Variants in CLSTN2 observed in about 807,000 individuals in gnomAD.
CLSTN2 encodes the protein calsyntenin 2.
Under a neutral mutation model 101.2 loss-of-function variants are expected in CLSTN2, and 48 were observed. That is an observed-to-expected ratio of 0.47 (90% CI 0.38 to 0.60). The LOEUF (loss-of-function observed/expected upper bound fraction) is 0.60, where lower values mean the gene tolerates loss of function less well. CLSTN2 is among the 20% of genes least tolerant of loss of function. The probability of loss-of-function intolerance (pLI) is 0.00; values close to 1 mark genes in which losing one functional copy is unlikely to be tolerated. For synonymous variants in CLSTN2, 481 were observed against 463.6 expected (o/e 1.04, Z -0.48); for missense variants, 1,160 against 1,238.2 (o/e 0.94, Z 0.95).
intron 1 of CLSTN2, among the ~76,000 whole-genome samples, chr3:140,153,038 G>A (rs564125306): frequency 6.6e-6 from 1 of 152,218 alleles, no homozygotes; most frequent in Non-Finnish European, 1.5e-5. Flanking sequence ...TGGTGTCACA[G>A]GTTGGTGTGC....
At chr3:140,204,462 A>T (rs2010755376) in intron 2 of CLSTN2, among the ~76,000 whole-genome samples, 1 of 152,248 alleles carries the variant, frequency 6.6e-6, no homozygotes, top group African/African-American at 2.4e-5. Context: ...GAATACATGT[A>T]AAGTACCTAG....
chr3:139,948,338 G>A (rs1284952921), intron 1 of CLSTN2, among the ~76,000 whole-genome samples: 1 of 152,046 alleles, frequency 6.6e-6, no homozygotes, highest in Admixed American at 6.6e-5. Context: ...GGTGGTGGGT[G>A]CCTGTAATCC....
At chr3:140,116,042 G>C (rs1441943676) in intron 1 of CLSTN2, among the ~76,000 whole-genome samples, 3 of 152,160 alleles carry the variant, frequency 2.0e-5, no homozygotes, top group Non-Finnish European at 4.4e-5. Context: ...ATTGGTGCCT[G>C]ATGTCAGGGG....
intron 2 of CLSTN2, among the ~76,000 whole-genome samples, chr3:140,328,458 G>A (rs897760832): frequency 1.3e-5 from 2 of 152,182 alleles, no homozygotes; most frequent in South Asian, 2.1e-4. Context: ...GTATGTGTTA[G>A]CTATCTTCCT....
At chr3:140,439,537 G>T (rs111260424) in intron 5 of CLSTN2, among the ~76,000 whole-genome samples, 3,841 of 152,326 alleles carry the variant, frequency 0.025, 169 homozygotes, top group African/African-American at 0.085. Context: ...CAAAATTTGA[G>T]AACAGATTTC....
intron 1 of CLSTN2, among the ~76,000 whole-genome samples, chr3:139,957,322 CCCTACCCACAG>C (rs1935425598): frequency 6.6e-6 from 1 of 152,150 alleles, no homozygotes; most frequent in Admixed American, 6.5e-5. Context: ...CTCATCTTCT[CCCTACCCACAG>C]CCTACATCCA....
At chr3:140,147,292 T>C (rs1476875148) in intron 1 of CLSTN2, among the ~76,000 whole-genome samples, 1 of 152,206 alleles carries the variant, frequency 6.6e-6, no homozygotes, top group Non-Finnish European at 1.5e-5. Flanking sequence ...ACCTTCTTGC[T>C]TTATGCCCAC....
At chr3:140,089,065 T>C (rs931152171) in intron 1 of CLSTN2, among the ~76,000 whole-genome samples, 2 of 152,186 alleles carry the variant, frequency 1.3e-5, no homozygotes, top group African/African-American at 4.8e-5. Flanking sequence ...CAAAACACAT[T>C]GAGTCTTTTG....
chr3:140,317,379 G>A (rs543899439), intron 2 of CLSTN2, among the ~76,000 whole-genome samples: 6 of 152,272 alleles, frequency 3.9e-5, no homozygotes, highest in Admixed American at 6.5e-5. Context: ...GAAGTAGGGA[G>A]TGAGTCTTCA....
chr3:140,502,235 T>C (rs1298130235), intron 8 of CLSTN2, among the ~76,000 whole-genome samples: 1 of 152,214 alleles, frequency 6.6e-6, no homozygotes, highest in Non-Finnish European at 1.5e-5. Context: ...GGCTCAGCAC[T>C]GTCTGACCTG....
intron 5 of CLSTN2, among the ~76,000 whole-genome samples, chr3:140,430,755 C>T (rs2088620277): frequency 6.6e-6 from 1 of 152,142 alleles, no homozygotes; most frequent in Admixed American, 6.5e-5. Context: ...GTGTAACAGT[C>T]CAAAGCAAAG....
chr3:140,502,496 G>C (rs1321136715), intron 8 of CLSTN2, among the ~76,000 whole-genome samples: 1 of 152,204 alleles, frequency 6.6e-6, no homozygotes, highest in African/African-American at 2.4e-5. Flanking sequence ...TGTGTGGTCA[G>C]CCCAGCACTT....
At chr3:140,488,625 C>T (rs946818980) in intron 8 of CLSTN2, among the ~76,000 whole-genome samples, 5 of 139,588 alleles carry the variant, frequency 3.6e-5, no homozygotes, top group African/African-American at 1.3e-4. Flanking sequence ...CTGTGGAATG[C>T]ATTTAATACG....
intron 1 of CLSTN2, among the ~76,000 whole-genome samples, chr3:140,095,212 G>A (rs2008849118): frequency 6.6e-6 from 1 of 152,160 alleles, no homozygotes; most frequent in African/African-American, 2.4e-5. Flanking sequence ...GAGCGTTAAT[G>A]GCAGTGAGAA....
At chr3:140,059,729 A>G (rs2008165151) in intron 1 of CLSTN2, among the ~76,000 whole-genome samples, 1 of 152,194 alleles carries the variant, frequency 6.6e-6, no homozygotes, top group Non-Finnish European at 1.5e-5. Flanking sequence ...GCCTACTCCC[A>G]GGCACTGATG....
chr3:140,558,539 G>A (rs565993790), intron 11 of CLSTN2, 101 bp from the exon 12 acceptor site: 11 of 848,348 alleles, frequency 1.3e-5, no homozygotes, highest in East Asian at 5.0e-5. Flanking sequence ...CAGTCACGAT[G>A]CCTTGTTAAG....
At chr3:140,459,426 A>T in intron 6 of CLSTN2, 95 bp from the exon 7 acceptor site, 1 of 1,401,154 alleles carries the variant, frequency 7.1e-7, no homozygotes, top group Non-Finnish European at 9.9e-7. Flanking sequence ...GTCTCTGAGT[A>T]AGTACACTGA....
intron 4 of CLSTN2, among the ~76,000 whole-genome samples, chr3:140,405,577 C>A (rs1187304129): frequency 6.6e-6 from 1 of 152,048 alleles, no homozygotes; most frequent in Non-Finnish European, 1.5e-5. Flanking sequence ...AGAATTTCAA[C>A]CCCAGTGAGA....
At chr3:140,100,173 C>A (rs571646516) in intron 1 of CLSTN2, among the ~76,000 whole-genome samples, 2 of 146,914 alleles carry the variant, frequency 1.4e-5, no homozygotes, top group South Asian at 4.3e-4. Context: ...AACCATGCAA[C>A]TTTTGTAAAT....
Sources: allele counts gnomAD v4.1 joint callset (sites outside exome capture counted in the v4.1 genomes callset), GRCh38; gene constraint gnomAD v4.1.1; transcripts MANE v1.5; gene names NCBI Gene and HGNC (gene_info 2026-07-23, HGNC 2026-07-21).